The following CMIP variants were observed in gnomAD, a reference collection of about 807,000 sequenced individuals.
CMIP encodes C-Maf-inducing protein.
Under a neutral mutation model 97.3 loss-of-function variants are expected in CMIP, and 13 were observed. That is an observed-to-expected ratio of 0.13 (90% confidence interval 0.09 to 0.21). The LOEUF (loss-of-function observed/expected upper bound fraction) is 0.21. Ranked by LOEUF, CMIP falls within the 10% of genes least tolerant of loss-of-function variation. The pLI, the probability that CMIP is intolerant of heterozygous loss-of-function variation, is 1.00. For synonymous variants in CMIP, 538 were observed against 436.3 expected (o/e 1.23, Z -2.91); for missense variants, 847 against 1,024.9 (o/e 0.83, Z 2.37).
intron 6 of CMIP, 21 bp downstream of exon 6, chr16:81,660,967 G>A (rs1018729689): frequency 1.2e-6 from 2 of 1,613,780 alleles, no homozygotes; most frequent in African/African-American, 2.7e-5. Flanking sequence ...GCTGAGCTGG[G>A]GCTGTGGCTG....
At chr16:81,692,671 G>T (rs953659680) in intron 11 of CMIP, among the ~76,000 whole-genome samples, 1 of 152,206 alleles carries the variant, frequency 6.6e-6, no homozygotes, top group Non-Finnish European at 1.5e-5. Context: ...CTCCTAAGAG[G>T]CGCTCAGTCT....
chr16:81,480,288 C>T (rs1037634102), intron 1 of CMIP, among the ~76,000 whole-genome samples: 6 of 152,308 alleles, frequency 3.9e-5, no homozygotes, highest in South Asian at 2.1e-4. Context: ...GCCTGTAATC[C>T]CAGCACTTTG....
In CMIP at chr16:81,621,941, G is replaced by T. The variant is rs1232222238; in HGVS notation, c.477+1015G>T. The stretch of plus-strand genomic sequence containing the variant: ...TGTCAGCTACTGGTCCTCTTGCTTT[G>T]TGCTGTGGGGCCAAGTCTCAGAAGC... On this transcript the variant is annotated intron_variant, in intron 3 of 20. Transcript: ENST00000537098. The surrounding 1 kb of genome is among the most constrained non-coding windows in gnomAD (Gnocchi z 4.1). The T allele has an allele frequency of 6.6e-6, 1 of 152,268 alleles. No individual in the cohort carries two copies. The highest frequency in any genetic ancestry group is 1.5e-5 in the Non-Finnish European group (1 of 68,084). 9.4% of individuals were successfully genotyped at this position (152,268 alleles called of 1,614,324 possible).
chr16:81,669,610 C>T (rs1290561074), intron 7 of CMIP, among the ~76,000 whole-genome samples: 1 of 149,034 alleles, frequency 6.7e-6, no homozygotes, highest in Non-Finnish European at 1.5e-5. Flanking sequence ...CTCTCACCTC[C>T]TTCCGCACCA....
At chr16:81,587,856 G>A (rs1206217461) in intron 1 of CMIP, among the ~76,000 whole-genome samples, 1 of 152,200 alleles carries the variant, frequency 6.6e-6, no homozygotes, top group Non-Finnish European at 1.5e-5. Flanking sequence ...CTGGAGAAAG[G>A]TGGCCAGGTC....
At chr16:81,697,746 A>T (rs569611511) in intron 14 of CMIP, 3 of 152,178 alleles carry the variant, frequency 2.0e-5, no homozygotes, top group African/African-American at 7.2e-5. Context: ...CTCAGCAGAG[A>T]TGTTTGTGCA....
At chr16:81,608,484 C>T (rs113107571) in intron 2 of CMIP, among the ~76,000 whole-genome samples, 6 of 152,224 alleles carry the variant, frequency 3.9e-5, no homozygotes, top group Non-Finnish European at 7.4e-5. Flanking sequence ...TAAGAGTGAG[C>T]GCCCTTTTTC....
At chr16:81,474,572 G>C (rs766740113) in intron 1 of CMIP, among the ~76,000 whole-genome samples, 7 of 152,208 alleles carry the variant, frequency 4.6e-5, no homozygotes, top group Non-Finnish European at 8.8e-5. Context: ...AGTCAGGTCA[G>C]AGGAGCAGGG....
intron 1 of CMIP, among the ~76,000 whole-genome samples, chr16:81,567,296 A>G (rs62043778): frequency 0.19 from 28,468 of 152,276 alleles, 2,951 homozygotes; most frequent in Non-Finnish European, 0.22. Flanking sequence ...CTTGTCCTAG[A>G]AGCATGTCAT....
At chr16:81,588,018 G>A (rs967642184) in intron 1 of CMIP, among the ~76,000 whole-genome samples, 4 of 152,104 alleles carry the variant, frequency 2.6e-5, no homozygotes, top group Admixed American at 6.5e-5. Context: ...TAAGGCTGCC[G>A]GCTCTTGCTT....
At chr16:81,582,416 TG>T (rs1427934884) in intron 1 of CMIP, among the ~76,000 whole-genome samples, 1 of 152,124 alleles carries the variant, frequency 6.6e-6, no homozygotes, top group African/African-American at 2.4e-5. Flanking sequence ...AAGGGATGTG[TG>T]GGGACTGGGA....
At chr16:81,523,580 C>T (rs13338891) in intron 1 of CMIP, among the ~76,000 whole-genome samples, 4,722 of 152,350 alleles carry the variant, frequency 0.031, 63 homozygotes, top group East Asian at 0.047. Context: ...AATCCAAATT[C>T]TCGAGTCACT....
At chr16:81,497,588 A>C (rs907529301) in intron 1 of CMIP, among the ~76,000 whole-genome samples, 1 of 152,194 alleles carries the variant, frequency 6.6e-6, no homozygotes, top group Non-Finnish European at 1.5e-5. Context: ...CTAATAACCC[A>C]TCTTGCCGGT....
At chr16:81,696,279 G>A (rs754212955) in intron 13 of CMIP, 20 of 525,474 alleles carry the variant, frequency 3.8e-5, no homozygotes, top group East Asian at 1.4e-4. Context: ...CCACAGGCCC[G>A]CTTCATTCAG....
At chr16:81,500,636 G>T (rs2089592337) in intron 1 of CMIP, among the ~76,000 whole-genome samples, 1 of 151,578 alleles carries the variant, frequency 6.6e-6, no homozygotes, top group African/African-American at 2.4e-5. Flanking sequence ...CTACAGGCGC[G>T]TGCCACCACA....
At chr16:81,685,021 C>G (rs1052925682) in intron 10 of CMIP, among the ~76,000 whole-genome samples, 4 of 152,244 alleles carry the variant, frequency 2.6e-5, no homozygotes, top group Non-Finnish European at 4.4e-5. Flanking sequence ...AGGCCCGTCA[C>G]AGAGAGGCCC....
intron 1 of CMIP, among the ~76,000 whole-genome samples, chr16:81,546,733 G>A (rs1270388678): frequency 6.6e-6 from 1 of 152,196 alleles, no homozygotes; most frequent in Non-Finnish European, 1.5e-5. Context: ...CTCTTGTTCA[G>A]GGGGTGTGGA....
chr16:81,613,130 G>A (rs910331433), intron 2 of CMIP, among the ~76,000 whole-genome samples: 54 of 152,144 alleles, frequency 3.5e-4, no homozygotes, highest in African/African-American at 1.1e-3. Flanking sequence ...TTTACAGTCC[G>A]GCCTTGTCCC....
At chr16:81,638,049 T>A (rs2092258895) in intron 3 of CMIP, among the ~76,000 whole-genome samples, 1 of 151,960 alleles carries the variant, frequency 6.6e-6, no homozygotes, top group Non-Finnish European at 1.5e-5. Flanking sequence ...GGGGATTAGG[T>A]TTCAATAATG....
Sources: gnomAD v4.1 joint callset for allele counts (sites outside exome capture counted in the v4.1 genomes callset) on GRCh38, gnomAD v4.1.1 for gene constraint, Gnocchi (gnomAD v3.1) non-coding constraint, MANE v1.5 for transcripts, NCBI Gene and HGNC (gene_info 2026-07-23, HGNC 2026-07-21) for gene names.